Variants in NELFE observed in about 807,000 individuals in gnomAD.
The protein encoded by NELFE is negative elongation factor complex member E.
A neutral mutation model predicts 55.5 loss-of-function variants in NELFE; 26 were observed. That is an observed-to-expected ratio of 0.47 (90% CI 0.34 to 0.65). The LOEUF is 0.65. Among genes scored for constraint, NELFE ranks in the 30% least tolerant of loss-of-function variants. The probability of loss-of-function intolerance (pLI) is 0.01; values close to 1 mark genes in which losing one functional copy is unlikely to be tolerated. For synonymous variants in NELFE, 162 were observed against 178.0 expected, an observed-to-expected ratio of 0.91 and a Z score of 0.72; for missense variants, 403 against 506.9, an observed-to-expected ratio of 0.80 and a Z score of 1.97.
chr6:31,955,348 AC>A, intron 4 of NELFE, 55 bp from the exon 5 acceptor site: 1 of 1,344,196 alleles, frequency 7.4e-7, no homozygotes, highest in Non-Finnish European at 1.0e-6. Flanking sequence ...CCAACCATGG[AC>A]CAGAGGTGTT....
chr6:31,957,518 G>C (rs959033316), intron 2 of NELFE: 7 of 455,112 alleles, frequency 1.5e-5, no homozygotes, highest in Non-Finnish European at 2.7e-5. Context: ...AAGATTTTCT[G>C]ATGTTTAATG....
rs887272675 is a variant in NELFE at position 31,954,263 on chromosome 6, C to G, written c.887+35G>C. On this transcript the variant is annotated intron_variant, in intron 8 of 10. Transcript: ENST00000375429. This position sits in a 1 kb window ranked among gnomAD's most constrained non-coding sequence, Gnocchi z 5.5. Reference sequence around the variant, plus strand: ...CAGGTCTCACACCCCAGGATTCTCCCAGGACTTCTCATCATGCCCTGTTGT... The same window carrying G: ...CAGGTCTCACACCCCAGGATTCTCCGAGGACTTCTCATCATGCCCTGTTGT... 4 of 1,609,002 alleles carry G rather than the reference C, an allele frequency of 2.5e-6. No homozygotes were observed.
At chr6:31,953,949 G>A (rs1215192517) in intron 9 of NELFE, 118 bp from the exon 10 acceptor site, 2 of 1,339,832 alleles carry the variant, frequency 1.5e-6, no homozygotes, top group South Asian at 1.2e-5. Context: ...GAGAATGTGA[G>A]TTTTTCTGTG....
intron 4 of NELFE, 145 bp from the exon 5 acceptor site, chr6:31,955,438 G>T: frequency 5.5e-6 from 3 of 541,064 alleles, no homozygotes; most frequent in Admixed American, 3.8e-5. Flanking sequence ...TATTTGACGT[G>T]GTTTTACTTA....
Position 31,955,113 on chromosome 6 carries a change from G to C in NELFE, c.367-17C>G. On this transcript the variant is annotated splice_polypyrimidine_tract_variant and intron_variant, in intron 5 of 10. Transcript: ENST00000375429. The stretch of plus-strand genomic sequence containing the variant: ...TCTGGATGACTGTAAAAGAGACCAA[G>C]AACAGTTAAGATGATTTCCAGTTGC... 1 of 1,613,004 alleles carries C rather than the reference G, an allele frequency of 6.2e-7. No individual in the cohort carries two copies. The highest frequency in any genetic ancestry group is 8.5e-7 in the Non-Finnish European group (1 of 1,179,968).
At position 31,952,140 on chromosome 6, in the gene NELFE, T is replaced by C. The variant is rs522162; in HGVS notation, c.*161A>G. The C allele has an allele frequency of 0.1, 150,596 of 1,507,040 alleles. 8,468 individuals carry two copies. The highest frequency in any genetic ancestry group is 0.19 in the African/African-American group (13,933 of 72,686). The allele number at this position is 1,507,040 out of a possible 1,614,324, so 93.4% of individuals were successfully genotyped here. On this transcript the variant is annotated 3_prime_UTR_variant, in exon 11 of 11. Coordinates refer to ENST00000375429, the MANE Select transcript of NELFE (RefSeq NM_002904.6). ...AGTGGGGAACAGGCACTGGCCATGTTGTTACACTGAGATCAAACCTGACAG... is the reference window on the plus strand; with the variant it reads ...AGTGGGGAACAGGCACTGGCCATGTCGTTACACTGAGATCAAACCTGACAG...
At position 31,954,439 on chromosome 6, in the gene NELFE, G is replaced by A. The variant is rs375765648; in HGVS notation, c.746C>T (p.Ser249Leu). Reference sequence around the variant, plus strand: ...GGCTCGCCGTTCAGGGAATGAATCCGACCCTTTGGGAGCACAAATCATAGT... The same window carrying A: ...GGCTCGCCGTTCAGGGAATGAATCCAACCCTTTGGGAGCACAAATCATAGT... ...DRDREGPFRRSDSFPERRAPR... is the reference protein window; with the variant it reads ...DRDREGPFRRLDSFPERRAPR... The change falls in exon 8 of 11, where the codon TCG becomes TTG. Residue 249 changes from serine (S) to leucine (L), a missense_variant. Ser to Leu is a moderately radical substitution (Grantham distance 145). Coordinates refer to ENST00000375429, the MANE Select transcript of NELFE (RefSeq NM_002904.6). This position sits in a 1 kb window ranked among gnomAD's most constrained non-coding sequence, Gnocchi z 5.5. 3.8e-6 allele frequency: 6 copies of A among 1,595,932 alleles called. No homozygotes were observed. Among genetic ancestry groups the A allele is most frequent in the Non-Finnish European group, 5.1e-6 (6 of 1,170,090 alleles).
Position 31,954,052 on chromosome 6 carries a change from G to A in NELFE, c.942+28C>T, listed in dbSNP as rs1227666589. The A allele has an allele frequency of 6.2e-7, 1 of 1,610,342 alleles. No individual in the cohort carries two copies. The highest frequency in any genetic ancestry group is 8.5e-7 in the Non-Finnish European group (1 of 1,177,592). ...AACACATGAGAACAGCAGAAGCGAT[G>A]GGAAGAACAGATTTGGGAAGTTCCA... On this transcript the variant is annotated intron_variant, in intron 9 of 10. Coordinates refer to ENST00000375429, the MANE Select transcript of NELFE (RefSeq NM_002904.6). The surrounding 1 kb of genome is among the most constrained non-coding windows in gnomAD (Gnocchi z 5.5).
chr6:31,958,716 C>G (rs1772252161), intron 1 of NELFE, 176 bp downstream of exon 1: 1 of 702,708 alleles, frequency 1.4e-6, no homozygotes, highest in African/African-American at 1.7e-5. Flanking sequence ...TCCACTCCGT[C>G]GGAAAGACGA....
At position 31,955,309 on chromosome 6, in the gene NELFE, A is replaced by C; in HGVS notation, c.292-16T>G. 2 of 1,545,794 alleles carry C rather than the reference A, an allele frequency of 1.3e-6. No individual in the cohort carries two copies. The highest frequency in any genetic ancestry group is 1.7e-6 in the Non-Finnish European group (2 of 1,149,074). ...TCTCGGGGTCCTGGAGTGGTGAGAG[A>C]CCTACCTCAGTGTGGAGCAGGAGGT... On this transcript the variant is annotated splice_polypyrimidine_tract_variant and intron_variant, in intron 4 of 10. Coordinates refer to ENST00000375429, the MANE Select transcript of NELFE (RefSeq NM_002904.6).
Position 31,955,056 on chromosome 6 carries a change from A to G in NELFE, c.404+3T>C, listed in dbSNP as rs1771996529. 3 of 1,612,946 alleles carry G rather than the reference A, an allele frequency of 1.9e-6. No individual in the cohort carries two copies. Among genetic ancestry groups the G allele is most frequent in the South Asian group, 2.2e-5 (2 of 91,078 alleles). On this transcript the variant is annotated splice_donor_region_variant and intron_variant, in intron 6 of 10. Transcript: ENST00000375429. ...GGGCCCAGCCTTATCTCTACTCTCTAACCTCTCATACAGAGATTTCCTCTG... is the reference window on the plus strand; with the variant it reads ...GGGCCCAGCCTTATCTCTACTCTCTGACCTCTCATACAGAGATTTCCTCTG...
intron 2 of NELFE, chr6:31,957,334 A>G (rs1170689036): frequency 1.1e-5 from 6 of 570,292 alleles, no homozygotes; most frequent in Non-Finnish European, 2.0e-5. Context: ...TGGAAGCTTC[A>G]TCCATCTATT....
chr6:31,956,198 G>A (rs1295474199), intron 4 of NELFE, among the ~76,000 whole-genome samples: 2 of 152,060 alleles, frequency 1.3e-5, no homozygotes, highest in African/African-American at 4.8e-5. Context: ...CAAAGTGCTG[G>A]GATTACAGGT....
Position 31,954,915 on chromosome 6 carries a change from T to G in NELFE, c.405-23A>C. Reference sequence around the variant, plus strand: ...AAGCTGGGGAGATGCAGACTGAAGATCAAAGGGGGGTTTTACCTTCTCCCC... The same window carrying G: ...AAGCTGGGGAGATGCAGACTGAAGAGCAAAGGGGGGTTTTACCTTCTCCCC... On this transcript the variant is annotated intron_variant, in intron 6 of 10. Coordinates refer to ENST00000375429, the MANE Select transcript of NELFE (RefSeq NM_002904.6). The surrounding 1 kb of genome is among the most constrained non-coding windows in gnomAD (Gnocchi z 5.5). 1 of 1,575,478 alleles carries G rather than the reference T, an allele frequency of 6.3e-7. No homozygotes were observed. The highest frequency in any genetic ancestry group is 8.6e-7 in the Non-Finnish European group (1 of 1,161,594).
chr6:31,953,238 T>C (rs576543261), intron 10 of NELFE, among the ~76,000 whole-genome samples: 6 of 152,280 alleles, frequency 3.9e-5, no homozygotes, highest in Admixed American at 2.6e-4. Flanking sequence ...AGGTGAACAG[T>C]CCTGTTTCCT....
chr6:31,956,142 G>C (rs189445983), intron 4 of NELFE, among the ~76,000 whole-genome samples: 133 of 152,028 alleles, frequency 8.7e-4, no homozygotes, highest in Middle Eastern at 6.8e-3. Flanking sequence ...TGTTAGCCAG[G>C]ATGGTCTCGA....
intron 1 of NELFE, 168 bp from the exon 2 acceptor site, chr6:31,958,622 G>T: frequency 1.4e-6 from 1 of 709,022 alleles, no homozygotes; most frequent in Non-Finnish European, 2.6e-6. Flanking sequence ...CCGCTGGTCG[G>T]GATCATCCAG....
chr6:31,955,356 T>A, intron 4 of NELFE, 63 bp from the exon 5 acceptor site: 4 of 1,219,346 alleles, frequency 3.3e-6, no homozygotes, highest in Non-Finnish European at 4.6e-6. Context: ...GGACCAGAGG[T>A]GTTCCTCTTC....
At chr6:31,957,129 A>AC in intron 2 of NELFE, 119 bp from the exon 3 acceptor site, 4 of 853,580 alleles carry the variant, frequency 4.7e-6, no homozygotes, top group Non-Finnish European at 5.6e-6. Flanking sequence ...TCAGAGTGGT[A>AC]CACTGATGTG....
Sources: allele counts gnomAD v4.1 joint callset (sites outside exome capture counted in the v4.1 genomes callset), GRCh38; gene constraint gnomAD v4.1.1; non-coding constraint Gnocchi (gnomAD v3.1); transcripts MANE v1.5; gene names NCBI Gene and HGNC (gene_info 2026-07-23, HGNC 2026-07-21).